TPRA1: variants seen among roughly 807,000 people sequenced by gnomAD.
TPRA1 encodes transmembrane protein adipocyte associated 1, also known as transmembrane protein adipocyte-associated 1.
In TPRA1, 28 loss-of-function variants were observed where a neutral mutation model predicts 40.1. The ratio of observed to expected loss-of-function variants is 0.70; its 90% confidence interval spans 0.52 to 0.96. The LOEUF is 0.96. Ranked by LOEUF, TPRA1 falls within the 40% of genes least tolerant of loss-of-function variation. The pLI is 0.00. For missense variants in TPRA1, 441 were observed against 482.6 expected (o/e 0.91, Z 0.81); for synonymous variants, 219 against 209.7 (o/e 1.04, Z -0.38).
rs2073438384 is a variant in TPRA1 at position 127,573,414 on chromosome 3, G to A, written c.*107C>T. The stretch of plus-strand genomic sequence containing the variant: ...CTCATGGTGGGAACAGGGCCACACA[G>A]GGCTACTGCCCACAGAACGTCCCTT... On this transcript the variant is annotated 3_prime_UTR_variant, in exon 11 of 11. Coordinates refer to ENST00000355552, the MANE Select transcript of TPRA1 (RefSeq NM_001136053.4). 1 of 1,413,960 alleles carries A rather than the reference G, an allele frequency of 7.1e-7. No individual in the cohort carries two copies. The highest frequency in any genetic ancestry group is 9.4e-7 in the Non-Finnish European group (1 of 1,065,700). 87.6% of individuals were successfully genotyped at this position (1,413,960 alleles called of 1,614,324 possible).
Position 127,581,537 on chromosome 3 carries a change from G to A in TPRA1, c.-17-1374C>T, listed in dbSNP as rs146324050. 1.5e-3 allele frequency among the ~76,000 whole-genome samples: 230 copies of A among 152,262 alleles called. 1 individual carries two copies. Among genetic ancestry groups the A allele is most frequent in the African/African-American group, 5.3e-3 (221 of 41,554 alleles). ...TCAGATCCAGGTGGTGGGTACACAG[G>A]TGTGTTCACTGTGTGGTAATTCATC... is the stretch of plus-strand genomic sequence containing the variant. On this transcript the variant is annotated intron_variant, in intron 1 of 10. Transcript: ENST00000355552.
upstream of TPRA1, among the ~76,000 whole-genome samples, chr3:127,593,934 C>T (rs933856039): frequency 8.5e-5 from 13 of 152,202 alleles, no homozygotes; most frequent in African/African-American, 3.1e-4. Flanking sequence ...CCAATGATAC[C>T]TTTCCCATCC....
upstream of TPRA1, chr3:127,591,172 G>A (rs1299985494): frequency 6.6e-6 from 1 of 152,172 alleles, no homozygotes; most frequent in Non-Finnish European, 1.5e-5. Context: ...GGTGACCTGG[G>A]GTCAGCTTGG....
rs960743597 is a variant in TPRA1, at chr3:127,590,619, A to T, written c.-227T>A. The T allele has an allele frequency of 6.6e-6, 1 of 152,074 alleles. No individual in the cohort carries two copies. Among genetic ancestry groups the T allele is most frequent in the Non-Finnish European group, 1.5e-5 (1 of 67,998 alleles). 9.4% of individuals were successfully genotyped at this position (152,074 alleles called of 1,614,324 possible). On this transcript the variant is annotated 5_prime_UTR_variant, in exon 1 of 11. Coordinates refer to ENST00000355552, the MANE Select transcript of TPRA1 (RefSeq NM_001136053.4). ...TAGGCAGGAAAGGCGAGGCGGGGTC[A>T]GCTCGCCGGGCCGCGGGTCTCGCGG...
chr3:127,580,761 C>T (rs896594695), intron 1 of TPRA1, among the ~76,000 whole-genome samples: 1 of 152,256 alleles, frequency 6.6e-6, no homozygotes, highest in Admixed American at 6.5e-5. Context: ...CGGTTGCACC[C>T]TCTGGCCCTT....
Position 127,572,660 on chromosome 3 carries a change from G to C in TPRA1, c.*861C>G, listed in dbSNP as rs1245613553. 6.6e-6 allele frequency among the ~76,000 whole-genome samples: 1 copy of C among 152,208 alleles called. No individual in the cohort carries two copies. Among genetic ancestry groups the C allele is most frequent in the Non-Finnish European group, 1.5e-5 (1 of 68,046 alleles). ...TCATTACTGTACGCCAGCCACTCGTGCTTAGTGTTTTCCAATCCTTACAAA... is the reference window on the plus strand; with the variant it reads ...TCATTACTGTACGCCAGCCACTCGTCCTTAGTGTTTTCCAATCCTTACAAA... On this transcript the variant is annotated 3_prime_UTR_variant, in exon 11 of 11. Coordinates refer to ENST00000355552, the MANE Select transcript of TPRA1 (RefSeq NM_001136053.4).
rs1222842244 is a variant in TPRA1, at chr3:127,581,750, T to C, written c.-17-1587A>G. ...CAACATGGTGAAACCCCATCTCTAC[T>C]AAAATACAAAAAAAAAAAAAAATTA... is the stretch of plus-strand genomic sequence containing the variant. On this transcript the variant is annotated intron_variant, in intron 1 of 10. Transcript: ENST00000355552. Among the ~76,000 whole-genome samples, 9 of 143,564 alleles carry C rather than the reference T, an allele frequency of 6.3e-5. No individual in the cohort carries two copies. In the East Asian group the frequency reaches 1.6e-3, roughly 26 times the overall value. 94.2% of individuals were successfully genotyped at this position (143,564 alleles called of 152,430 possible).
At chr3:127,581,657 A>G (rs764603581) in intron 1 of TPRA1, among the ~76,000 whole-genome samples, 35 of 152,222 alleles carry the variant, frequency 2.3e-4, no homozygotes, top group Middle Eastern at 6.8e-3. Flanking sequence ...TCATGCCTGT[A>G]ATCCTAGCAC....
Position 127,572,064 on chromosome 3 carries a change from C to G in TPRA1, c.*1457G>C, listed in dbSNP as rs1369710286. Among the ~76,000 whole-genome samples, 3 of 152,160 alleles carry G rather than the reference C, an allele frequency of 2.0e-5. No homozygotes were observed. Among genetic ancestry groups the G allele is most frequent in the Non-Finnish European group, 1.5e-5 (1 of 68,020 alleles). On this transcript the variant is annotated 3_prime_UTR_variant, in exon 11 of 11. Transcript: ENST00000355552. Reference sequence around the variant, plus strand: ...AGAGGCCCCGATAAAGTATGCCATTCAGGGGCACCCTGCAGTACCCCCTGC... The same window carrying G: ...AGAGGCCCCGATAAAGTATGCCATTGAGGGGCACCCTGCAGTACCCCCTGC...
intron 1 of TPRA1, among the ~76,000 whole-genome samples, chr3:127,584,377 G>A (rs1405806896): frequency 7.2e-6 from 1 of 138,888 alleles, no homozygotes; most frequent in Non-Finnish European, 1.5e-5. Context: ...AGGAGCTCCA[G>A]GCAGCAGGCA....
At chr3:127,585,510 T>C (rs2073972585) in intron 1 of TPRA1, among the ~76,000 whole-genome samples, 1 of 152,176 alleles carries the variant, frequency 6.6e-6, no homozygotes, top group South Asian at 2.1e-4. Context: ...GAGGAGCTCC[T>C]GCAACAGTCC....
intron 1 of TPRA1, among the ~76,000 whole-genome samples, chr3:127,597,707 C>T (rs1440606780): frequency 1.3e-5 from 2 of 152,198 alleles, no homozygotes; most frequent in Non-Finnish European, 2.9e-5. Context: ...CCAGAGTTGT[C>T]CAGCTGCTTG....
In TPRA1 at chr3:127,573,074, C is replaced by T. The variant is rs1302726406; in HGVS notation, c.*447G>A. The T allele has an allele frequency of 6.5e-6, 1 of 153,666 alleles. No individual in the cohort carries two copies. The highest frequency in any genetic ancestry group is 2.4e-5 in the African/African-American group (1 of 41,524). The allele number at this position is 153,666 out of a possible 1,614,324, so 9.5% of individuals were successfully genotyped here. On this transcript the variant is annotated 3_prime_UTR_variant, in exon 11 of 11. Transcript: ENST00000355552. ...AAAACCTCCACATTAGCACCTTCTG[C>T]TCCTTTTCCTTTTTATTAAAAAATA... is the stretch of plus-strand genomic sequence containing the variant.
intron 1 of TPRA1, among the ~76,000 whole-genome samples, chr3:127,586,217 G>A (rs1360901982): frequency 6.6e-6 from 1 of 152,222 alleles, no homozygotes; most frequent in Non-Finnish European, 1.5e-5. Context: ...CTGGAAGCGG[G>A]TGTGCAGCGC....
At chr3:127,581,475 G>A (rs1327310095) in intron 1 of TPRA1, among the ~76,000 whole-genome samples, 1 of 152,194 alleles carries the variant, frequency 6.6e-6, no homozygotes, top group Non-Finnish European at 1.5e-5. Context: ...GAGATGAAGC[G>A]CATGGTAATT....
At chr3:127,577,820 G>T (rs1028686686) in intron 3 of TPRA1, among the ~76,000 whole-genome samples, 23 of 152,220 alleles carry the variant, frequency 1.5e-4, no homozygotes, top group Non-Finnish European at 2.8e-4. Context: ...CCAGTGGTGT[G>T]TGCCATTCCC....
rs751953752 is a variant in TPRA1 at position 127,573,544 on chromosome 3, G to A, written c.1099C>T (p.Arg367Cys). Residue 367 changes from arginine to cysteine, a missense_variant, in exon 11 of 11, where the codon CGC becomes TGC. Arg to Cys is a radical substitution (Grantham distance 180). Transcript: ENST00000355552. Reference protein sequence around the residue: ...TGSINSTDSERWKAINA With the variant: ...TGSINSTDSECWKAINA Reference sequence around the variant, plus strand: ...CCTCAGGCATTGATGGCCTTCCAGCGCTCGCTGTCTGTGCTGTTGATGCTG... The same window carrying A: ...CCTCAGGCATTGATGGCCTTCCAGCACTCGCTGTCTGTGCTGTTGATGCTG... 11 of 1,612,578 alleles carry A rather than the reference G, an allele frequency of 6.8e-6. No individual in the cohort carries two copies. The highest frequency in any genetic ancestry group is 1.1e-5 in the South Asian group (1 of 91,070).
At chr3:127,581,715 C>G (rs2073838185) in intron 1 of TPRA1, among the ~76,000 whole-genome samples, 1 of 151,420 alleles carries the variant, frequency 6.6e-6, no homozygotes, top group Non-Finnish European at 1.5e-5. Flanking sequence ...GAGTTCGGGA[C>G]CAGCCTAGAC....
chr3:127,582,568 G>T (rs1427733228), intron 1 of TPRA1, among the ~76,000 whole-genome samples: 1 of 152,088 alleles, frequency 6.6e-6, no homozygotes, highest in Non-Finnish European at 1.5e-5. Context: ...CAGGCATGGT[G>T]GCGTCCAGCT....
Sources: allele counts gnomAD v4.1 joint callset (sites outside exome capture counted in the v4.1 genomes callset), GRCh38; gene constraint gnomAD v4.1.1; transcripts MANE v1.5; gene names NCBI Gene and HGNC (gene_info 2026-07-23, HGNC 2026-07-21).